TMEM117: variants seen among roughly 807,000 people sequenced by gnomAD.
The protein encoded by TMEM117 is transmembrane protein 117.
A neutral mutation model predicts 52.4 loss-of-function variants in TMEM117; 27 were observed. The observed-to-expected ratio is 0.51, with a 90% CI of 0.38 to 0.71. The LOEUF (loss-of-function observed/expected upper bound fraction) is 0.71, where lower values mean the gene tolerates loss of function less well. Among genes scored for constraint, TMEM117 ranks in the 30% least tolerant of loss-of-function variants. The pLI is 0.00. For missense variants in TMEM117, 556 were observed against 630.5 expected, an observed-to-expected ratio of 0.88 and a Z score of 1.26; for synonymous variants, 215 against 206.3, an observed-to-expected ratio of 1.04 and a Z score of -0.36.
At chr12:43,980,780 A>C (rs557589694) in intron 3 of TMEM117, among the ~76,000 whole-genome samples, 1 of 152,170 alleles carries the variant, frequency 6.6e-6, no homozygotes, top group Admixed American at 6.5e-5. Flanking sequence ...AGAGCAGGCT[A>C]GGGGACTGCT....
At position 44,049,770 on chromosome 12, in the gene TMEM117, A is replaced by G. The variant is rs144707246; in HGVS notation, c.411-93755A>G. On this transcript the variant is annotated intron_variant, in intron 3 of 7. Transcript: ENST00000266534. Reference sequence around the variant, plus strand: ...ACAAATGGGTTCAATCATTTTAAAAAGTGACATCAAGCATAATAATTTGTG... The same window carrying G: ...ACAAATGGGTTCAATCATTTTAAAAGGTGACATCAAGCATAATAATTTGTG... Among the ~76,000 whole-genome samples, 217 of 152,328 alleles carry G rather than the reference A, an allele frequency of 1.4e-3. 3 individuals carry two copies. In the East Asian group the frequency reaches 0.025, roughly 18 times the overall value.
rs536942441 is a variant in TMEM117 at position 44,252,064 on chromosome 12, A to G, written c.608+40677A>G. 5.9e-5 allele frequency among the ~76,000 whole-genome samples: 9 copies of G among 152,230 alleles called. No homozygotes were observed. In the East Asian group the frequency reaches 1.2e-3, roughly 20 times the overall value. On this transcript the variant is annotated intron_variant, in intron 5 of 7. Coordinates refer to ENST00000266534, the MANE Select transcript of TMEM117 (RefSeq NM_032256.3). The stretch of plus-strand genomic sequence containing the variant: ...TGCTAGCCTTTTTTCGTCTCTTGAC[A>G]TATCAGTGCTTCAATTTATCTACAG...
At chr12:44,065,553 C>T (rs1324482989) in intron 3 of TMEM117, among the ~76,000 whole-genome samples, 2 of 152,052 alleles carry the variant, frequency 1.3e-5, no homozygotes, top group Non-Finnish European at 2.9e-5. Flanking sequence ...ATCAGTAGTT[C>T]ATAGGGAATT....
intron 2 of TMEM117, among the ~76,000 whole-genome samples, chr12:43,905,455 A>G (rs1433308818): frequency 6.6e-6 from 1 of 152,216 alleles, no homozygotes; most frequent in African/African-American, 2.4e-5. Context: ...GTGGCTGAAG[A>G]CATTCTCCCA....
At chr12:44,216,753 T>C (rs891330485) in intron 5 of TMEM117, among the ~76,000 whole-genome samples, 4 of 152,176 alleles carry the variant, frequency 2.6e-5, no homozygotes, top group African/African-American at 9.7e-5. Flanking sequence ...ATGTTCATAG[T>C]GTGTTGCTGT....
intron 3 of TMEM117, among the ~76,000 whole-genome samples, chr12:44,066,521 A>G (rs921943447): frequency 6.6e-6 from 1 of 152,206 alleles, no homozygotes; most frequent in Admixed American, 6.5e-5. Flanking sequence ...TAAAGCAAAT[A>G]TTTCAATAAA....
At position 44,376,779 on chromosome 12, in the gene TMEM117, T is replaced by G. The variant is rs912007682; in HGVS notation, c.898+55T>G. 5 of 1,519,828 alleles carry G rather than the reference T, an allele frequency of 3.3e-6. No individual in the cohort carries two copies. The East Asian group carries it at 9.2e-5, about 28-fold the overall frequency. 94.1% of individuals were successfully genotyped at this position (1,519,828 alleles called of 1,614,324 possible). Reference sequence around the variant, plus strand: ...TATCTTCGTACATTAGTTAGGGTAATGCTAGTTGCTGTAAAAAGCAAGCCA... The same window carrying G: ...TATCTTCGTACATTAGTTAGGGTAAGGCTAGTTGCTGTAAAAAGCAAGCCA... On this transcript the variant is annotated intron_variant, in intron 7 of 7. Coordinates refer to ENST00000266534, the MANE Select transcript of TMEM117 (RefSeq NM_032256.3).
chr12:44,353,409 G>C (rs61933057), intron 6 of TMEM117, among the ~76,000 whole-genome samples: 41 of 151,368 alleles, frequency 2.7e-4, no homozygotes, highest in Admixed American at 7.9e-4. Flanking sequence ...AGGTTTTCTT[G>C]TAGGGTTTTT....
intron 2 of TMEM117, among the ~76,000 whole-genome samples, chr12:43,932,839 A>G (rs1944892792): frequency 6.6e-6 from 1 of 152,232 alleles, no homozygotes; most frequent in East Asian, 1.9e-4. Flanking sequence ...ACAAGACACC[A>G]GTCTGAAAGA....
chr12:44,376,517 TAA>T, intron 6 of TMEM117, 76 bp from the exon 7 acceptor site: 1 of 1,557,916 alleles, frequency 6.4e-7, no homozygotes, highest in Non-Finnish European at 8.7e-7. Context: ...TAAGTGCTTA[TAA>T]AAAGTCAATT....
intron 4 of TMEM117, among the ~76,000 whole-genome samples, chr12:44,180,022 T>G (rs550989839): frequency 6.6e-6 from 1 of 152,244 alleles, no homozygotes; most frequent in Admixed American, 6.5e-5. Flanking sequence ...AAAGAAGGTT[T>G]ATAACTAACA....
At chr12:44,023,647 C>G (rs533540740) in intron 3 of TMEM117, among the ~76,000 whole-genome samples, 2 of 151,636 alleles carry the variant, frequency 1.3e-5, no homozygotes, top group Non-Finnish European at 1.5e-5. Context: ...CTGTTCATAT[C>G]CTTTGCCCAC....
chr12:44,138,622 A>C (rs1460437366), intron 3 of TMEM117, among the ~76,000 whole-genome samples: 1 of 152,162 alleles, frequency 6.6e-6, no homozygotes, highest in Non-Finnish European at 1.5e-5. Flanking sequence ...GAATTTTATC[A>C]GTGACCATTG....
At chr12:43,877,685 G>A (rs915283384) in intron 2 of TMEM117, among the ~76,000 whole-genome samples, 2 of 151,734 alleles carry the variant, frequency 1.3e-5, no homozygotes, top group Non-Finnish European at 1.5e-5. Context: ...AATATTTTGA[G>A]GGCTTGTAGC....
chr12:43,805,855 C>T, the TMEM117 span: 1 of 1,415,472 alleles, frequency 7.1e-7, no homozygotes, highest in Non-Finnish European at 9.4e-7. Context: ...CGTACTGAAG[C>T]CCCAGTCGCC....
intron 4 of TMEM117, among the ~76,000 whole-genome samples, chr12:44,192,665 A>G (rs1358840430): frequency 1.3e-5 from 2 of 152,170 alleles, no homozygotes; most frequent in Non-Finnish European, 1.5e-5. Context: ...TTGAAAAAAT[A>G]TTACTTCATT....
At chr12:44,334,078 G>C (rs1274539492) in intron 6 of TMEM117, among the ~76,000 whole-genome samples, 1 of 151,988 alleles carries the variant, frequency 6.6e-6, no homozygotes, top group Non-Finnish European at 1.5e-5. Flanking sequence ...CCTGGTGGCT[G>C]ACACATAATG....
At chr12:44,276,118 A>C (rs996849160) in intron 5 of TMEM117, among the ~76,000 whole-genome samples, 2 of 152,124 alleles carry the variant, frequency 1.3e-5, no homozygotes, top group Non-Finnish European at 2.9e-5. Flanking sequence ...TCATGTGATC[A>C]AGCAATCCCT....
At chr12:44,216,209 T>C (rs2138413418) in intron 5 of TMEM117, among the ~76,000 whole-genome samples, 1 of 152,082 alleles carries the variant, frequency 6.6e-6, no homozygotes, top group East Asian at 1.9e-4. Flanking sequence ...AGTTTCACCA[T>C]GTTGGTCAGG....
Sources: allele counts gnomAD v4.1 joint callset (sites outside exome capture counted in the v4.1 genomes callset), GRCh38; gene constraint gnomAD v4.1.1; transcripts MANE v1.5; gene names NCBI Gene and HGNC (gene_info 2026-07-23, HGNC 2026-07-21).